MYO16: variants seen among roughly 807,000 people sequenced by gnomAD.
MYO16 encodes unconventional myosin-XVI.
In MYO16, 94 loss-of-function variants were observed where a neutral mutation model predicts 205.3. The ratio of observed to expected loss-of-function variants is 0.46; its 90% CI spans 0.39 to 0.54. MYO16 has a LOEUF of 0.54. Among genes scored for constraint, MYO16 ranks in the 20% least tolerant of loss-of-function variants. The pLI, the probability that MYO16 is intolerant of heterozygous loss-of-function variation, is 0.00. For synonymous variants in MYO16, 988 were observed against 954.0 expected (o/e 1.04, Z -0.66); for missense variants, 2,315 against 2,387.5 (o/e 0.97, Z 0.63).
At chr13:108,540,463 T>A in the MYO16 span, among the ~76,000 whole-genome samples, 1 of 152,056 alleles carries the variant, frequency 6.6e-6, no homozygotes, top group Non-Finnish European at 1.5e-5. Context: ...AAGAAGTGAA[T>A]CTGGTATGAC....
the MYO16 span, among the ~76,000 whole-genome samples, chr13:108,560,440 A>G: frequency 1.3e-5 from 2 of 152,236 alleles, no homozygotes; most frequent in Admixed American, 6.5e-5. Flanking sequence ...GCATTTTAAA[A>G]TAGACATTAT....
intron 27 of MYO16, among the ~76,000 whole-genome samples, chr13:109,090,033 G>A (rs989383145): frequency 6.6e-6 from 1 of 152,218 alleles, no homozygotes; most frequent in Non-Finnish European, 1.5e-5. Flanking sequence ...TTGCAGCAAT[G>A]TGAAGTGTCA....
chr13:108,626,763 C>T (rs576020081), upstream of MYO16, among the ~76,000 whole-genome samples: 4 of 151,450 alleles, frequency 2.6e-5, no homozygotes, highest in South Asian at 2.1e-4. Context: ...CAAGATCGCG[C>T]CATTGCACTG....
At chr13:108,749,236 T>G (rs572165642) in intron 4 of MYO16, among the ~76,000 whole-genome samples, 1 of 152,322 alleles carries the variant, frequency 6.6e-6, no homozygotes, top group South Asian at 2.1e-4. Flanking sequence ...ATAGTCACTA[T>G]GATATGTAAT....
chr13:109,176,774 A>C, intron 33 of MYO16, among the ~76,000 whole-genome samples: 2 of 142,760 alleles, frequency 1.4e-5, no homozygotes, highest in African/African-American at 2.6e-5. Context: ...CCTCCTCCAC[A>C]TGCCCGTCTC....
upstream of MYO16, among the ~76,000 whole-genome samples, chr13:108,625,418 G>A (rs1171986741): frequency 6.6e-6 from 1 of 152,196 alleles, no homozygotes. Context: ...TATAGCAAGA[G>A]CTGAGTGTAT....
chr13:108,586,151 C>T, the MYO16 span, among the ~76,000 whole-genome samples: 3 of 152,040 alleles, frequency 2.0e-5, no homozygotes, highest in Non-Finnish European at 4.4e-5. Flanking sequence ...AACACACACA[C>T]ATACACACAT....
At chr13:108,635,083 G>C (rs897740022) in intron 1 of MYO16, among the ~76,000 whole-genome samples, 3 of 152,172 alleles carry the variant, frequency 2.0e-5, no homozygotes, top group Non-Finnish European at 4.4e-5. Context: ...TTCTGTTTAA[G>C]TATTTTGGCT....
chr13:108,896,663 A>G (rs1395798835), intron 14 of MYO16, among the ~76,000 whole-genome samples: 1 of 152,196 alleles, frequency 6.6e-6, no homozygotes, highest in African/African-American at 2.4e-5. Context: ...GATGCCAGGA[A>G]ATTTAAAAGT....
intron 5 of MYO16, among the ~76,000 whole-genome samples, chr13:108,793,105 A>G (rs1886667366): frequency 6.6e-6 from 1 of 152,078 alleles, no homozygotes; most frequent in African/African-American, 2.4e-5. Context: ...AACACCGTGA[A>G]ACCCCATCTC....
intron 25 of MYO16, among the ~76,000 whole-genome samples, 199 bp from the exon 26 acceptor site, chr13:109,054,847 A>G (rs1887360074): frequency 6.6e-6 from 1 of 151,792 alleles, no homozygotes; most frequent in South Asian, 2.1e-4. Flanking sequence ...TAGTAAAATA[A>G]ATTTGCTCAC....
chr13:108,729,269 T>C (rs925055943), intron 4 of MYO16, among the ~76,000 whole-genome samples: 1 of 152,130 alleles, frequency 6.6e-6, no homozygotes, highest in Non-Finnish European at 1.5e-5. Context: ...AACTATAAAA[T>C]ATATTACAGA....
chr13:108,674,804 G>A (rs1012013076), intron 2 of MYO16, among the ~76,000 whole-genome samples: 2 of 152,186 alleles, frequency 1.3e-5, no homozygotes, highest in African/African-American at 4.8e-5. Context: ...AAAAGAGTCA[G>A]ATTTAACCAC....
intron 2 of MYO16, among the ~76,000 whole-genome samples, chr13:108,670,985 T>A (rs182455625): frequency 6.6e-6 from 1 of 152,224 alleles, no homozygotes; most frequent in African/African-American, 2.4e-5. Flanking sequence ...AGCAGTTTGT[T>A]TATATTATGA....
chr13:108,742,900 G>C (rs1448352432), intron 4 of MYO16, among the ~76,000 whole-genome samples: 4 of 152,150 alleles, frequency 2.6e-5, no homozygotes, highest in Non-Finnish European at 5.9e-5. Context: ...TATAGGGAAT[G>C]GTCTCTGAAT....
intron 10 of MYO16, among the ~76,000 whole-genome samples, chr13:108,852,551 C>A (rs1441732193): frequency 6.6e-6 from 1 of 152,194 alleles, no homozygotes; most frequent in Non-Finnish European, 1.5e-5. Context: ...GAAGAACCTT[C>A]CTCAGAAAGA....
chr13:108,534,645 G>T, the MYO16 span, among the ~76,000 whole-genome samples: 2 of 151,818 alleles, frequency 1.3e-5, no homozygotes, highest in Non-Finnish European at 2.9e-5. Context: ...CCTCAAAGAG[G>T]AATCTCTGCT....
intron 4 of MYO16, among the ~76,000 whole-genome samples, chr13:108,748,985 T>C (rs1421868550): frequency 6.6e-6 from 1 of 151,982 alleles, no homozygotes; most frequent in Non-Finnish European, 1.5e-5. Flanking sequence ...AGTTGGACTA[T>C]GATATGTAAA....
the MYO16 span, among the ~76,000 whole-genome samples, chr13:108,551,158 A>G: frequency 4.6e-5 from 7 of 152,166 alleles, 1 homozygote; most frequent in African/African-American, 1.7e-4. Flanking sequence ...ATTTGTTTTC[A>G]TACTATACAA....
Sources: gnomAD v4.1 joint callset for allele counts (sites outside exome capture counted in the v4.1 genomes callset) on GRCh38, gnomAD v4.1.1 for gene constraint, MANE v1.5 for transcripts, NCBI Gene and HGNC (gene_info 2026-07-23, HGNC 2026-07-21) for gene names.